The following FER variants were observed in gnomAD, a reference collection of about 807,000 sequenced individuals.
FER encodes tyrosine-protein kinase Fer.
In FER, 63 loss-of-function variants were observed where a neutral mutation model predicts 111.0. The ratio of observed to expected loss-of-function variants is 0.57; its 90% CI spans 0.46 to 0.70. FER has a LOEUF of 0.70. Ranked by LOEUF, FER falls within the 30% of genes least tolerant of loss-of-function variation. The pLI, the probability that FER is intolerant of heterozygous loss-of-function variation, is 0.00. For synonymous variants in FER, 327 were observed against 313.9 expected (o/e 1.04, Z -0.44); for missense variants, 914 against 954.0 (o/e 0.96, Z 0.55).
At chr5:108,787,596 A>G (rs368367273) in intron 2 of FER, among the ~76,000 whole-genome samples, 2 of 152,206 alleles carry the variant, frequency 1.3e-5, no homozygotes, top group African/African-American at 2.4e-5. Context: ...ATGGCTGCCC[A>G]TGGATGAATC....
At chr5:109,150,787 A>T (rs1283065398) in intron 17 of FER, among the ~76,000 whole-genome samples, 1 of 152,184 alleles carries the variant, frequency 6.6e-6, no homozygotes, top group East Asian at 1.9e-4. Flanking sequence ...TCTTTGCTAT[A>T]TTATTGTTAT....
chr5:108,772,757 A>G (rs941622825), intron 2 of FER, among the ~76,000 whole-genome samples: 1 of 152,226 alleles, frequency 6.6e-6, no homozygotes, highest in Non-Finnish European at 1.5e-5. Flanking sequence ...CTAGTCAGCA[A>G]TTGAAATTCA....
chr5:108,892,049 T>A (rs999230628), intron 9 of FER, among the ~76,000 whole-genome samples: 4 of 152,220 alleles, frequency 2.6e-5, no homozygotes, highest in African/African-American at 9.6e-5. Flanking sequence ...CCACATTTTC[T>A]TAATCCAGTC....
intron 13 of FER, among the ~76,000 whole-genome samples, chr5:109,027,171 C>A (rs115976448): frequency 8.3e-4 from 126 of 152,072 alleles, no homozygotes; most frequent in African/African-American, 2.8e-3. Context: ...ATGATTACCA[C>A]TATCCCTTTG....
chr5:109,128,211 C>G (rs1751962064), intron 17 of FER, among the ~76,000 whole-genome samples: 1 of 151,786 alleles, frequency 6.6e-6, no homozygotes, highest in Non-Finnish European at 1.5e-5. Flanking sequence ...TAGCATCATA[C>G]CTTTGTGAGA....
chr5:108,833,712 A>G (rs1001952074), intron 4 of FER, among the ~76,000 whole-genome samples: 1 of 152,088 alleles, frequency 6.6e-6, no homozygotes, highest in African/African-American at 2.4e-5. Flanking sequence ...GTCTCTACTA[A>G]AAATACAAAA....
chr5:109,050,334 G>T (rs10447249), intron 16 of FER, among the ~76,000 whole-genome samples: 6 of 152,102 alleles, frequency 3.9e-5, no homozygotes, highest in African/African-American at 1.4e-4. Context: ...TGTAAACACC[G>T]TATTGGCCCA....
At chr5:108,864,902 T>G (rs1395567324) in intron 5 of FER, among the ~76,000 whole-genome samples, 1 of 151,954 alleles carries the variant, frequency 6.6e-6, no homozygotes, top group Non-Finnish European at 1.5e-5. Flanking sequence ...AAGAAAGTCA[T>G]TGGTAGCTTG....
intron 5 of FER, among the ~76,000 whole-genome samples, chr5:108,855,846 A>G (rs1230354651): frequency 1.3e-5 from 2 of 152,142 alleles, no homozygotes; most frequent in Non-Finnish European, 2.9e-5. Context: ...TTTAAGAAAG[A>G]AGGAGAAAAA....
At position 108,800,901 on chromosome 5, in the gene FER, G is replaced by A. The variant is rs528911556; in HGVS notation, c.207+2512G>A. 2.7e-3 allele frequency among the ~76,000 whole-genome samples: 407 copies of A among 152,252 alleles called. 1 individual carries two copies. Among genetic ancestry groups the A allele is most frequent in the African/African-American group, 9.4e-3 (390 of 41,554 alleles). Reference sequence around the variant, plus strand: ...CTCTACCAAAAATACAAAAAAATTAGCCGGGCGTGGTGGCGAGTGCCTGTA... The same window carrying A: ...CTCTACCAAAAATACAAAAAAATTAACCGGGCGTGGTGGCGAGTGCCTGTA... On this transcript the variant is annotated intron_variant, in intron 3 of 19. Transcript: ENST00000281092.
At chr5:108,762,167 G>A (rs1751831334) in intron 1 of FER, among the ~76,000 whole-genome samples, 1 of 152,090 alleles carries the variant, frequency 6.6e-6, no homozygotes, top group Non-Finnish European at 1.5e-5. Flanking sequence ...TGCCTGCCTT[G>A]TGGTATAATT....
Position 109,100,411 on chromosome 5 carries a change from C to G in FER, c.1940C>G (p.Thr647Ser). Reference sequence around the variant, plus strand: ...ATTCCTCTAGGAGGTGATTTCCTCACCTTTCTGAGAAGGAAGAAGGATGAA... The same window carrying G: ...ATTCCTCTAGGAGGTGATTTCCTCAGCTTTCTGAGAAGGAAGAAGGATGAA... ...MELVSGGDFL[T>S]FLRRKKDELK... Residue 647 changes from threonine to serine, a missense_variant, in exon 17 of 20, where the codon ACC becomes AGC. Coordinates refer to ENST00000281092, the MANE Select transcript of FER (RefSeq NM_005246.4). 1 of 1,610,676 alleles carries G rather than the reference C, an allele frequency of 6.2e-7. No individual in the cohort carries two copies. Among genetic ancestry groups the G allele is most frequent in the Non-Finnish European group, 8.5e-7 (1 of 1,177,714 alleles).
intron 5 of FER, among the ~76,000 whole-genome samples, chr5:108,852,900 T>C (rs1268774747): frequency 6.6e-6 from 1 of 152,158 alleles, no homozygotes; most frequent in African/African-American, 2.4e-5. Flanking sequence ...CACTGAAATA[T>C]ATGGGATGGA....
intron 13 of FER, among the ~76,000 whole-genome samples, chr5:109,017,231 T>A (rs995985446): frequency 5.9e-5 from 9 of 152,020 alleles, no homozygotes; most frequent in Non-Finnish European, 1.0e-4. Context: ...AATGAGGGGC[T>A]AGGAAAGAAA....
intron 5 of FER, among the ~76,000 whole-genome samples, chr5:108,853,127 G>A (rs916376580): frequency 8.5e-5 from 13 of 152,204 alleles, no homozygotes; most frequent in African/African-American, 3.1e-4. Flanking sequence ...ATATCAGAGG[G>A]TAGAATTGAT....
intron 5 of FER, among the ~76,000 whole-genome samples, chr5:108,838,213 T>G (rs993180789): frequency 3.3e-5 from 5 of 152,094 alleles, no homozygotes; most frequent in Non-Finnish European, 7.4e-5. Flanking sequence ...TAATGGCAAA[T>G]TTTTCCAACA....
At chr5:109,180,104 AAAG>A (rs1465538896) in intron 17 of FER, among the ~76,000 whole-genome samples, 1 of 152,178 alleles carries the variant, frequency 6.6e-6, no homozygotes, top group Non-Finnish European at 1.5e-5. Flanking sequence ...TTGGGGACAA[AAAG>A]AAGCCCAGTA....
intron 3 of FER, among the ~76,000 whole-genome samples, chr5:108,801,275 T>C (rs1329111162): frequency 6.6e-6 from 1 of 152,262 alleles, no homozygotes. Flanking sequence ...CTCCATTGAA[T>C]TGCCTTTGCA....
At chr5:109,151,537 C>T (rs1754853965) in intron 17 of FER, among the ~76,000 whole-genome samples, 1 of 152,068 alleles carries the variant, frequency 6.6e-6, no homozygotes, top group African/African-American at 2.4e-5. Context: ...TATTTTCTTT[C>T]ATTGGTAAAT....
Sources: gnomAD v4.1 joint callset for allele counts (sites outside exome capture counted in the v4.1 genomes callset) on GRCh38, gnomAD v4.1.1 for gene constraint, MANE v1.5 for transcripts, NCBI Gene and HGNC (gene_info 2026-07-23, HGNC 2026-07-21) for gene names.